Variants in ZBTB20 observed in about 807,000 individuals in gnomAD.
ZBTB20 encodes the protein zinc finger and BTB domain containing 20.
In ZBTB20, 9 loss-of-function variants were observed where a neutral mutation model predicts 56.9. The observed-to-expected ratio is 0.16, with a 90% CI of 0.10 to 0.28. The LOEUF (loss-of-function observed/expected upper bound fraction) is 0.28, where lower values mean the gene tolerates loss of function less well. Ranked by LOEUF, ZBTB20 falls within the 10% of genes least tolerant of loss-of-function variation. The pLI is 1.00. For missense variants in ZBTB20, 655 were observed against 1,003.0 expected (o/e 0.65, Z 4.69); for synonymous variants, 417 against 420.7 (o/e 0.99, Z 0.11).
chr3:114,610,949 T>C (rs1323091658), intron 6 of ZBTB20, among the ~76,000 whole-genome samples: 2 of 152,162 alleles, frequency 1.3e-5, no homozygotes, highest in Non-Finnish European at 2.9e-5. Context: ...CAAATTTTTA[T>C]CCTTCAAAAA....
intron 7 of ZBTB20, among the ~76,000 whole-genome samples, chr3:114,476,448 G>C (rs1242280790): frequency 6.6e-6 from 1 of 152,134 alleles, no homozygotes; most frequent in African/African-American, 2.4e-5. Context: ...TTATAAACTG[G>C]CTAATTTAAA....
At chr3:114,965,032 C>T (rs2077595852) in intron 3 of ZBTB20, among the ~76,000 whole-genome samples, 1 of 152,096 alleles carries the variant, frequency 6.6e-6, no homozygotes, top group Non-Finnish European at 1.5e-5. Context: ...GGGATGATAA[C>T]ATATTAATGG....
At chr3:115,104,039 G>A (rs113695673) in intron 1 of ZBTB20, among the ~76,000 whole-genome samples, 2,967 of 152,238 alleles carry the variant, frequency 0.019, 35 homozygotes, top group South Asian at 0.031. Flanking sequence ...ATGGGCAGAA[G>A]ACTTTAACAG....
intron 6 of ZBTB20, among the ~76,000 whole-genome samples, chr3:114,581,512 A>G (rs556674076): frequency 1.3e-5 from 2 of 152,134 alleles, no homozygotes; most frequent in Middle Eastern, 3.4e-3. Flanking sequence ...TGTAATCTCT[A>G]TGGCCCAAAA....
chr3:114,972,111 A>C (rs891294671), intron 3 of ZBTB20, among the ~76,000 whole-genome samples: 4 of 152,238 alleles, frequency 2.6e-5, no homozygotes, highest in African/African-American at 9.6e-5. Flanking sequence ...TATGCCTAAA[A>C]TACCTACTTA....
intron 2 of ZBTB20, among the ~76,000 whole-genome samples, chr3:115,060,227 G>A (rs930827590): frequency 3.9e-5 from 6 of 152,188 alleles, no homozygotes; most frequent in Admixed American, 3.3e-4. Context: ...AGTTTATAAA[G>A]CAAGTTATAC....
At chr3:115,096,537 G>A (rs1454654649) in intron 1 of ZBTB20, among the ~76,000 whole-genome samples, 1 of 152,154 alleles carries the variant, frequency 6.6e-6, no homozygotes, top group Non-Finnish European at 1.5e-5. Context: ...CCACCCTTGA[G>A]GCTGAAGAAC....
At position 114,668,688 on chromosome 3, in the gene ZBTB20, ATTG is replaced by A. The variant is rs542168567; in HGVS notation, c.-295+24837_-295+24839del. 1.8e-4 allele frequency among the ~76,000 whole-genome samples: 27 copies of A among 152,186 alleles called. No homozygotes were observed. In the East Asian group the frequency reaches 4.8e-3, roughly 27 times the overall value. ...CAGGAGATGTTGAAAGGGGAATTTA[ATTG>A]TTAAGTCAATAGCAGTGTGCCAGCT... On this transcript the variant is annotated intron_variant, in intron 6 of 11. Transcript: ENST00000675478.
chr3:114,850,005 T>C (rs548065569), intron 4 of ZBTB20, among the ~76,000 whole-genome samples: 1 of 150,974 alleles, frequency 6.6e-6, no homozygotes, highest in Non-Finnish European at 1.5e-5. Flanking sequence ...ATTCAAGCTG[T>C]TTTCCTGCCT....
At chr3:115,002,330 TATA>T (rs1234575331) in intron 2 of ZBTB20, among the ~76,000 whole-genome samples, 3 of 151,588 alleles carry the variant, frequency 2.0e-5, no homozygotes, top group Admixed American at 6.6e-5. Context: ...AGGTCTTAGA[TATA>T]ACACCACAAG....
chr3:114,661,967 A>G (rs2060754959), intron 6 of ZBTB20, among the ~76,000 whole-genome samples: 1 of 151,288 alleles, frequency 6.6e-6, no homozygotes, highest in Admixed American at 6.6e-5. Context: ...GGTTAGTTAC[A>G]TATGTATACA....
chr3:115,108,404 A>G (rs1396773756), intron 1 of ZBTB20, among the ~76,000 whole-genome samples: 1 of 152,206 alleles, frequency 6.6e-6, no homozygotes, highest in Non-Finnish European at 1.5e-5. Context: ...ACTGTACTAC[A>G]TAAAAAATGA....
intron 7 of ZBTB20, among the ~76,000 whole-genome samples, chr3:114,423,235 A>C (rs1282097212): frequency 6.6e-6 from 1 of 152,184 alleles, no homozygotes; most frequent in African/African-American, 2.4e-5. Flanking sequence ...AGTGAGCTCA[A>C]ATGACTTTCT....
intron 6 of ZBTB20, among the ~76,000 whole-genome samples, chr3:114,613,316 C>T (rs1005918699): frequency 1.3e-5 from 2 of 152,160 alleles, no homozygotes; most frequent in Non-Finnish European, 2.9e-5. Flanking sequence ...CAGCATTTAG[C>T]ACATCAGGTG....
intron 1 of ZBTB20, among the ~76,000 whole-genome samples, chr3:115,132,806 T>C (rs2084545489): frequency 6.6e-6 from 1 of 152,142 alleles, no homozygotes; most frequent in Non-Finnish European, 1.5e-5. Flanking sequence ...TTAGAATACC[T>C]TTTGCCATTT....
chr3:114,472,818 G>C (rs1351706261), intron 7 of ZBTB20, among the ~76,000 whole-genome samples: 1 of 152,182 alleles, frequency 6.6e-6, no homozygotes, highest in Non-Finnish European at 1.5e-5. Flanking sequence ...TAGGAAAGCT[G>C]AGGCAATGCT....
chr3:114,717,188 AACTAACAAG>A (rs2064545622), intron 5 of ZBTB20, among the ~76,000 whole-genome samples: 2 of 152,172 alleles, frequency 1.3e-5, no homozygotes, highest in Non-Finnish European at 2.9e-5. Flanking sequence ...TGTGAGGGCT[AACTAACAAG>A]ATGTGTGTGT....
chr3:115,089,187 T>C (rs1429346480), intron 1 of ZBTB20, among the ~76,000 whole-genome samples: 5 of 151,850 alleles, frequency 3.3e-5, no homozygotes, highest in Non-Finnish European at 7.4e-5. Flanking sequence ...TTGTATATAC[T>C]ACTGGTTAAC....
chr3:114,545,516 T>A (rs897408308), intron 6 of ZBTB20, among the ~76,000 whole-genome samples: 5 of 152,214 alleles, frequency 3.3e-5, no homozygotes, highest in Non-Finnish European at 7.3e-5. Flanking sequence ...TTGATCACTT[T>A]AAGCAACAAT....
Sources: allele counts gnomAD v4.1 joint callset (sites outside exome capture counted in the v4.1 genomes callset), GRCh38; gene constraint gnomAD v4.1.1; transcripts MANE v1.5; gene names NCBI Gene and HGNC (gene_info 2026-07-23, HGNC 2026-07-21).